The following KIF1A variants were observed in gnomAD, a reference collection of about 807,000 sequenced individuals.
KIF1A encodes kinesin family member 1A.
A neutral mutation model predicts 227.3 loss-of-function variants in KIF1A; 46 were observed. That is an observed-to-expected ratio of 0.20 (90% CI 0.16 to 0.26). The LOEUF is 0.26. Among genes scored for constraint, KIF1A ranks in the 10% least tolerant of loss-of-function variants. The probability of loss-of-function intolerance (pLI) is 1.00; values close to 1 mark genes in which losing one functional copy is unlikely to be tolerated. For missense variants in KIF1A, 1,683 were observed against 2,485.9 expected (o/e 0.68, Z 6.87); for synonymous variants, 1,022 against 1,012.8 (o/e 1.01, Z -0.17).
At position 240,740,227 on chromosome 2, in the gene KIF1A, C is replaced by A. The variant is rs963788061; in HGVS notation, c.3816+71G>T. On this transcript the variant is annotated intron_variant, in intron 36 of 48. Coordinates refer to ENST00000498729, the MANE Select transcript of KIF1A (RefSeq NM_001244008.2). This position sits in a 1 kb window ranked among gnomAD's most constrained non-coding sequence, Gnocchi z 6.1. Reference sequence around the variant, plus strand: ...GAGGGGGACACAGGCAGGGTAGGGGCAGGGAGAGGCTCACACCTGGTGGGG... The same window carrying A: ...GAGGGGGACACAGGCAGGGTAGGGGAAGGGAGAGGCTCACACCTGGTGGGG... 1 of 1,552,916 alleles carries A rather than the reference C, an allele frequency of 6.4e-7. No individual in the cohort carries two copies. The highest frequency in any genetic ancestry group is 1.4e-5 in the African/African-American group (1 of 73,188).
In KIF1A at chr2:240,801,418, G is replaced by A. The variant is rs144275688; in HGVS notation, c.-60-3606C>T. 5.8e-3 allele frequency among the ~76,000 whole-genome samples: 879 copies of A among 152,214 alleles called. 11 individuals are homozygous for A. Among genetic ancestry groups the A allele is most frequent in the African/African-American group, 0.02 (831 of 41,524 alleles). On this transcript the variant is annotated intron_variant, in intron 1 of 48. Coordinates refer to ENST00000498729, the MANE Select transcript of KIF1A (RefSeq NM_001244008.2). Reference sequence around the variant, plus strand: ...GACAGTGTTAGTAAACTGGAGGACAGGTAATAGAAATATAGAAAATTTAAA... The same window carrying A: ...GACAGTGTTAGTAAACTGGAGGACAAGTAATAGAAATATAGAAAATTTAAA...
At chr2:240,730,244 C>T (rs2046450385) in intron 38 of KIF1A, among the ~76,000 whole-genome samples, 1 of 152,198 alleles carries the variant, frequency 6.6e-6, no homozygotes. Flanking sequence ...CACATGGGAC[C>T]CACATTGCCA....
At position 240,715,408 on chromosome 2, in the gene KIF1A, C is replaced by G. The variant is rs1417277838; in HGVS notation, c.*1956G>C. ...CCTGATTCTCCCTCACAGAACCCCC[C>G]CATCAGCCCCTGGGAGAGCCTCCCA... On this transcript the variant is annotated 3_prime_UTR_variant, in exon 49 of 49. Transcript: ENST00000498729. 5 of 152,384 alleles carry G rather than the reference C, an allele frequency of 3.3e-5. No homozygotes were observed. Among genetic ancestry groups the G allele is most frequent in the East Asian group, 3.8e-4 (2 of 5,276 alleles). 9.4% of individuals were successfully genotyped at this position (152,384 alleles called of 1,614,324 possible).
chr2:240,767,494 A>G, intron 17 of KIF1A, 149 bp from the exon 18 acceptor site: 1 of 655,758 alleles, frequency 1.5e-6, no homozygotes, highest in Non-Finnish European at 2.7e-6. Context: ...GGTCACTCCA[A>G]GCCAGGAAAA....
intron 27 of KIF1A, among the ~76,000 whole-genome samples, chr2:240,750,814 T>G (rs1425235471): frequency 6.6e-6 from 1 of 152,144 alleles, no homozygotes; most frequent in Non-Finnish European, 1.5e-5. Flanking sequence ...GGCCCGGACC[T>G]GGCTGCCTGA....
At chr2:240,748,658 AC>A (rs1159901165) in intron 28 of KIF1A, 5 of 299,892 alleles carry the variant, frequency 1.7e-5, no homozygotes, top group South Asian at 5.9e-5. Flanking sequence ...CCTGGTAAAC[AC>A]CCCACCTTCC....
At chr2:240,741,629 T>A (rs943650455) in intron 34 of KIF1A, among the ~76,000 whole-genome samples, 2 of 152,216 alleles carry the variant, frequency 1.3e-5, no homozygotes, top group Non-Finnish European at 2.9e-5. Context: ...CACATGGCCA[T>A]GTACACTCGG....
chr2:240,819,267 C>T (rs1221586501), intron 1 of KIF1A, among the ~76,000 whole-genome samples: 1 of 152,152 alleles, frequency 6.6e-6, no homozygotes, highest in Non-Finnish European at 1.5e-5. Flanking sequence ...TCCTTCGTGT[C>T]ATCCGAGCCC....
intron 1 of KIF1A, among the ~76,000 whole-genome samples, chr2:240,809,497 C>A (rs768195042): frequency 3.3e-5 from 5 of 152,006 alleles, no homozygotes; most frequent in Non-Finnish European, 7.4e-5. Context: ...AGAGGACGGA[C>A]GACCGAACCA....
Position 240,758,209 on chromosome 2 carries a change from C to A in KIF1A, c.2582+151G>T. ...GTGGAGAGGAATGGCTGGGAGGAAC[C>A]TCAGGCCAGGGAGGACAGGGCTGGG... On this transcript the variant is annotated intron_variant, in intron 26 of 48. Coordinates refer to ENST00000498729, the MANE Select transcript of KIF1A (RefSeq NM_001244008.2). This position sits in a 1 kb window ranked among gnomAD's most constrained non-coding sequence, Gnocchi z 5.2. 1 of 864,818 alleles carries A rather than the reference C, an allele frequency of 1.2e-6. No homozygotes were observed. Among genetic ancestry groups the A allele is most frequent in the Non-Finnish European group, 1.7e-6 (1 of 589,632 alleles). The allele number at this position is 864,818 out of a possible 1,614,324, so 53.6% of individuals were successfully genotyped here. A position where few individuals can be genotyped will look rare whatever the true frequency, so the allele number is the denominator to read the frequency against.
At chr2:240,772,624 G>A (rs866804821) in intron 13 of KIF1A, 28 bp from the exon 14 acceptor site, 2 of 1,520,508 alleles carry the variant, frequency 1.3e-6, no homozygotes, top group Non-Finnish European at 8.9e-7. Flanking sequence ...GTGGGGGAGG[G>A]GGAGAGACAG....
chr2:240,740,074 C>T lies in KIF1A; in HGVS notation c.3885G>A (p.Val1295=). The change falls in exon 37 of 49, where the codon GTG becomes GTA. Residue 1295 remains valine (V), a synonymous_variant. Coordinates refer to ENST00000498729, the MANE Select transcript of KIF1A (RefSeq NM_001244008.2). This position sits in a 1 kb window ranked among gnomAD's most constrained non-coding sequence, Gnocchi z 6.1. ...CGCACTCACCCACGACCAGCTCGCG[C>T]ACTTCCTTCCAGCGGATATGGCTGC... ...ETGSHIRWKE[V]RELVVGRIRN... is the part of the protein sequence containing the mutation. 3 of 1,587,332 alleles carry T rather than the reference C, an allele frequency of 1.9e-6. No individual in the cohort carries two copies. The highest frequency in any genetic ancestry group is 1.2e-5 in the South Asian group (1 of 86,674).
intron 33 of KIF1A, 68 bp downstream of exon 33, chr2:240,743,874 T>C: frequency 1.9e-6 from 2 of 1,075,352 alleles, no homozygotes; most frequent in South Asian, 2.7e-5. Flanking sequence ...TCAAGACAGC[T>C]GGATGAAAAG....
chr2:240,798,862 C>T (rs528058806), intron 1 of KIF1A, among the ~76,000 whole-genome samples: 1 of 152,332 alleles, frequency 6.6e-6, no homozygotes, highest in Non-Finnish European at 1.5e-5. Context: ...GAGAGGTTTT[C>T]GCCAATTGCT....
At chr2:240,797,574 T>C in intron 2 of KIF1A, 73 bp downstream of exon 2, 1 of 1,060,228 alleles carries the variant, frequency 9.4e-7, no homozygotes, top group South Asian at 1.3e-5. Context: ...CTGCTGAGCC[T>C]GGCCCATAGG....
In KIF1A at chr2:240,760,776, G is replaced by A; in HGVS notation, c.2333C>T (p.Pro778Leu). The change falls in exon 25 of 49, where the codon CCA becomes CTA. Residue 778 changes from proline (P) to leucine (L), a missense_variant. Pro to Leu is a moderately conservative substitution (Grantham distance 98). Coordinates refer to ENST00000498729, the MANE Select transcript of KIF1A (RefSeq NM_001244008.2). ...YSPLPPDLLP[P>L]EAAKDRETRP... ...CGTCTCTCGGTCTTTGGCGGCCTCTGGGGGCAGCAGGTCGGGTGGCAGAGG... is the reference window on the plus strand; with the variant it reads ...CGTCTCTCGGTCTTTGGCGGCCTCTAGGGGCAGCAGGTCGGGTGGCAGAGG... The A allele has an allele frequency of 6.2e-7, 1 of 1,603,996 alleles. No homozygotes were observed. The highest frequency in any genetic ancestry group is 8.5e-7 in the Non-Finnish European group (1 of 1,175,978).
intron 10 of KIF1A, chr2:240,782,012 C>G: frequency 1.0e-6 from 1 of 985,412 alleles, no homozygotes; most frequent in Non-Finnish European, 1.2e-6. Flanking sequence ...GTGGTGGCGC[C>G]CGCCCTGTCT....
rs201747520 is a variant in KIF1A, at chr2:240,719,747, G to T, written c.5021+27C>A. 2.3e-4 allele frequency: 354 copies of T among 1,524,258 alleles called. 1 individual carries two copies. The highest frequency in any genetic ancestry group is 2.8e-4 in the Non-Finnish European group (323 of 1,133,774). 94.4% of individuals were successfully genotyped at this position (1,524,258 alleles called of 1,614,324 possible). A position where few individuals can be genotyped will look rare whatever the true frequency, so the allele number is the denominator to read the frequency against. The stretch of plus-strand genomic sequence containing the variant: ...CCCCTGTCAGCACAGAGCTGGTGGC[G>T]GTGCTTTCCAGGGAGGCCCCACACA... On this transcript the variant is annotated intron_variant, in intron 46 of 48. Coordinates refer to ENST00000498729, the MANE Select transcript of KIF1A (RefSeq NM_001244008.2).
Position 240,714,356 on chromosome 2 carries a change from T to A in KIF1A, c.*3008A>T, listed in dbSNP as rs1388306947. Reference sequence around the variant, plus strand: ...TAGGCACTGGCCGTGTCCCATCAGATCCCAAGTGCTGGTCGGCCTGGAGCC... The same window carrying A: ...TAGGCACTGGCCGTGTCCCATCAGAACCCAAGTGCTGGTCGGCCTGGAGCC... On this transcript the variant is annotated 3_prime_UTR_variant, in exon 49 of 49. Transcript: ENST00000498729. 1.3e-5 allele frequency: 2 copies of A among 152,262 alleles called. No individual in the cohort carries two copies. Among genetic ancestry groups the A allele is most frequent in the Non-Finnish European group, 2.9e-5 (2 of 68,060 alleles). The allele number at this position is 152,262 out of a possible 1,614,324, so 9.4% of individuals were successfully genotyped here.
Sources: allele counts gnomAD v4.1 joint callset (sites outside exome capture counted in the v4.1 genomes callset), GRCh38; gene constraint gnomAD v4.1.1; non-coding constraint Gnocchi (gnomAD v3.1); transcripts MANE v1.5; gene names NCBI Gene and HGNC (gene_info 2026-07-23, HGNC 2026-07-21).